MBOAT1: variants seen among roughly 807,000 people sequenced by gnomAD.
The protein encoded by MBOAT1 is membrane-bound glycerophospholipid O-acyltransferase 1.
Under a neutral mutation model 64.4 loss-of-function variants are expected in MBOAT1, and 67 were observed. That is an observed-to-expected ratio of 1.04 (90% confidence interval 0.85 to 1.27). The LOEUF is 1.27. Ranked by LOEUF, MBOAT1 falls within the 50% of genes most tolerant of loss-of-function variation. The pLI is 0.00. For synonymous variants in MBOAT1, 229 were observed against 218.9 expected (o/e 1.05, Z -0.41); for missense variants, 563 against 604.6 (o/e 0.93, Z 0.72).
At chr6:20,155,124 A>G (rs2113700218) in intron 1 of MBOAT1, among the ~76,000 whole-genome samples, 1 of 152,302 alleles carries the variant, frequency 6.6e-6, no homozygotes. Flanking sequence ...ATGAGGAATG[A>G]TTTGGAGGAT....
intron 1 of MBOAT1, among the ~76,000 whole-genome samples, chr6:20,190,217 T>A (rs763458768): frequency 1.3e-5 from 2 of 152,108 alleles, no homozygotes; most frequent in Admixed American, 6.6e-5. Context: ...CTGGTCTTGA[T>A]CTCCTGACCT....
chr6:20,164,363 T>C (rs982816499), intron 1 of MBOAT1, among the ~76,000 whole-genome samples: 26 of 152,040 alleles, frequency 1.7e-4, no homozygotes, highest in African/African-American at 6.3e-4. Flanking sequence ...ACTAATAACA[T>C]CTACCCTACC....
At position 20,102,157 on chromosome 6, in the gene MBOAT1, C is replaced by T. The variant is rs1759817775; in HGVS notation, c.*129G>A. On this transcript the variant is annotated 3_prime_UTR_variant, in exon 13 of 13. Coordinates refer to ENST00000324607, the MANE Select transcript of MBOAT1 (RefSeq NM_001080480.3). The stretch of plus-strand genomic sequence containing the variant: ...AAAAAAAAAAAAAATACTCCCTGCA[C>T]TTTAAAAAAGAACAAAATAAAGATG... 5 of 416,012 alleles carry T rather than the reference C, an allele frequency of 1.2e-5. No individual in the cohort carries two copies. The highest frequency in any genetic ancestry group is 7.5e-4 in the Middle Eastern group (1 of 1,334). 25.8% of individuals were successfully genotyped at this position (416,012 alleles called of 1,614,324 possible). A position where few individuals can be genotyped will look rare whatever the true frequency, so the allele number is the denominator to read the frequency against.
At chr6:20,208,643 C>T (rs1194646714) in intron 1 of MBOAT1, among the ~76,000 whole-genome samples, 1 of 152,030 alleles carries the variant, frequency 6.6e-6, no homozygotes, top group Non-Finnish European at 1.5e-5. Flanking sequence ...GGATTCTTAT[C>T]TCCTGGTCTA....
At chr6:20,176,924 T>TA (rs1762358744) in intron 1 of MBOAT1, among the ~76,000 whole-genome samples, 1 of 152,156 alleles carries the variant, frequency 6.6e-6, no homozygotes, top group Admixed American at 6.5e-5. Context: ...ACGTCCAGCC[T>TA]ACTATTCATT....
At chr6:20,141,180 G>C (rs1190454572) in intron 4 of MBOAT1, among the ~76,000 whole-genome samples, 1 of 152,080 alleles carries the variant, frequency 6.6e-6, no homozygotes, top group African/African-American at 2.4e-5. Context: ...TTCTATCAGG[G>C]AAATGAGCAA....
chr6:20,134,538 T>C lies in MBOAT1; in HGVS notation c.420-3339A>G, dbSNP rs1760921431. Among the ~76,000 whole-genome samples, 5 of 152,174 alleles carry C rather than the reference T, an allele frequency of 3.3e-5. No individual in the cohort carries two copies. In the East Asian group the frequency reaches 9.6e-4, roughly 29 times the overall value. On this transcript the variant is annotated intron_variant, in intron 4 of 12. Coordinates refer to ENST00000324607, the MANE Select transcript of MBOAT1 (RefSeq NM_001080480.3). ...AAGAAACAATTCACATACTCACATA[T>C]GACAGTGAGTTTGTAAAACACAATG...
chr6:20,206,479 G>A (rs1763269855), intron 1 of MBOAT1, among the ~76,000 whole-genome samples: 1 of 152,052 alleles, frequency 6.6e-6, no homozygotes, highest in Non-Finnish European at 1.5e-5. Flanking sequence ...CAGCCACTTT[G>A]TACTATTTTC....
chr6:20,141,353 CTTTTTCTTTT>C (rs1310914902), intron 4 of MBOAT1, among the ~76,000 whole-genome samples: 1 of 105,592 alleles, frequency 9.5e-6, no homozygotes, highest in East Asian at 6.6e-4. Flanking sequence ...TTTTCTTTTT[CTTTTTCTTTT>C]TTTTTTTTTT....
At chr6:20,193,458 G>C (rs950811445) in intron 1 of MBOAT1, among the ~76,000 whole-genome samples, 1 of 152,112 alleles carries the variant, frequency 6.6e-6, no homozygotes, top group African/African-American at 2.4e-5. Flanking sequence ...CTACCTTGGT[G>C]AGCAATGGTA....
At chr6:20,109,995 T>C (rs112114468) in intron 11 of MBOAT1, among the ~76,000 whole-genome samples, 3,555 of 147,888 alleles carry the variant, frequency 0.024, 135 homozygotes, top group African/African-American at 0.081. Context: ...CTGCAAGCTC[T>C]GCCTCCTGGG....
intron 12 of MBOAT1, among the ~76,000 whole-genome samples, chr6:20,105,665 G>A (rs1759935565): frequency 6.6e-6 from 1 of 152,166 alleles, no homozygotes; most frequent in Non-Finnish European, 1.5e-5. Flanking sequence ...TCGGGAGGCT[G>A]AGGTGGGAGG....
At chr6:20,125,788 A>G in intron 7 of MBOAT1, 1 of 357,330 alleles carries the variant, frequency 2.8e-6, no homozygotes, top group South Asian at 2.2e-5. Flanking sequence ...TAAGTTTTCA[A>G]ATACTTAACT....
chr6:20,126,385 G>T, intron 7 of MBOAT1, 132 bp downstream of exon 7: 1 of 760,212 alleles, frequency 1.3e-6, no homozygotes, highest in Non-Finnish European at 2.2e-6. Context: ...TAACTATACT[G>T]GTATTTTAAA....
chr6:20,140,397 T>C (rs1345292489), intron 4 of MBOAT1, among the ~76,000 whole-genome samples: 1 of 152,232 alleles, frequency 6.6e-6, no homozygotes, highest in African/African-American at 2.4e-5. Flanking sequence ...CTCAGATAGC[T>C]GGTAGAACAT....
chr6:20,123,618 A>C (rs1242345788), intron 8 of MBOAT1, among the ~76,000 whole-genome samples: 1 of 152,220 alleles, frequency 6.6e-6, no homozygotes, highest in Admixed American at 6.5e-5. Context: ...AAAAAAAAAA[A>C]AAATCACTTG....
intron 1 of MBOAT1, among the ~76,000 whole-genome samples, chr6:20,154,263 G>A (rs1761610976): frequency 6.6e-6 from 1 of 152,182 alleles, no homozygotes; most frequent in Non-Finnish European, 1.5e-5. Flanking sequence ...CAGGCGCGGT[G>A]GCTCACGCCT....
chr6:20,148,174 T>C (rs1366005301), intron 3 of MBOAT1, among the ~76,000 whole-genome samples: 1 of 152,178 alleles, frequency 6.6e-6, no homozygotes, highest in South Asian at 2.1e-4. Flanking sequence ...AATCCCAGCA[T>C]TTTGGGAAGC....
chr6:20,211,834 A>C (rs1180825166), intron 1 of MBOAT1, among the ~76,000 whole-genome samples: 1 of 152,192 alleles, frequency 6.6e-6, no homozygotes, highest in Non-Finnish European at 1.5e-5. Flanking sequence ...AGACTACTTC[A>C]GAACTTGATT....
Sources: gnomAD v4.1 joint callset for allele counts (sites outside exome capture counted in the v4.1 genomes callset) on GRCh38, gnomAD v4.1.1 for gene constraint, MANE v1.5 for transcripts, NCBI Gene and HGNC (gene_info 2026-07-23, HGNC 2026-07-21) for gene names.